The following NPAS3 variants were observed in gnomAD, a reference collection of about 807,000 sequenced individuals.
NPAS3 encodes the protein neuronal PAS domain protein 3, also known as neuronal PAS domain-containing protein 3.
In NPAS3, 14 loss-of-function variants were observed where a neutral mutation model predicts 73.1. The ratio of observed to expected loss-of-function variants is 0.19; its 90% CI spans 0.13 to 0.30. The LOEUF is 0.30. NPAS3 is among the 10% of genes least tolerant of loss of function. The pLI, the probability that NPAS3 is intolerant of heterozygous loss-of-function variation, is 1.00. For missense variants in NPAS3, 1,096 were observed against 1,250.0 expected (o/e 0.88, Z 1.86); for synonymous variants, 620 against 541.5 (o/e 1.14, Z -2.01).
At chr14:33,072,773 C>T (rs1442893118) in intron 2 of NPAS3, among the ~76,000 whole-genome samples, 1 of 152,148 alleles carries the variant, frequency 6.6e-6, no homozygotes, top group Non-Finnish European at 1.5e-5. Context: ...AGAGCTGGCA[C>T]TTTTAGGCCT....
At chr14:33,416,637 G>T (rs2138973794) in intron 4 of NPAS3, among the ~76,000 whole-genome samples, 1 of 151,958 alleles carries the variant, frequency 6.6e-6, no homozygotes, top group East Asian at 1.9e-4. Flanking sequence ...AAAAATTCAA[G>T]GGAAAATATT....
intron 4 of NPAS3, among the ~76,000 whole-genome samples, chr14:33,555,083 A>G (rs1405951619): frequency 1.3e-5 from 2 of 151,682 alleles, no homozygotes; most frequent in Admixed American, 6.6e-5. Flanking sequence ...TGTACCTCAT[A>G]GACTTACTGG....
At chr14:33,262,177 G>A (rs1469123080) in intron 3 of NPAS3, among the ~76,000 whole-genome samples, 1 of 152,106 alleles carries the variant, frequency 6.6e-6, no homozygotes, top group East Asian at 1.9e-4. Context: ...TGATGGTGTT[G>A]GTATTTCTGC....
At chr14:32,944,059 A>G (rs1404498665) in intron 1 of NPAS3, among the ~76,000 whole-genome samples, 2 of 152,224 alleles carry the variant, frequency 1.3e-5, no homozygotes, top group African/African-American at 4.8e-5. Context: ...TTCCTCTACT[A>G]ACTTCCTTAA....
rs182663008 is a variant in NPAS3 at position 33,296,257 on chromosome 14, T to G, written c.386-70929T>G. Among the ~76,000 whole-genome samples the G allele has an allele frequency of 3.3e-5, 5 of 152,350 alleles. No individual in the cohort carries two copies. The East Asian group carries it at 9.7e-4, about 29-fold the overall frequency. ...ACTTTTTTTTCCATTGAAGATGTTG[T>G]TGTTACTTCATTGTCTCTTTTAATA... On this transcript the variant is annotated intron_variant, in intron 3 of 11. Transcript: ENST00000356141.
Position 33,796,811 on chromosome 14 carries a change from C to G in NPAS3, c.1302-646C>G, listed in dbSNP as rs150576290. ...GGTTAGATCCCTTCTGTTAGGGCCT[C>G]TTTCACACTGGGACTCTCCCCACTG... On this transcript the variant is annotated intron_variant, in intron 10 of 11. Coordinates refer to ENST00000356141, the Ensembl canonical transcript of NPAS3. Among the ~76,000 whole-genome samples the G allele has an allele frequency of 1.5e-3, 235 of 152,308 alleles. 1 individual carries two copies. Among genetic ancestry groups the G allele is most frequent in the Non-Finnish European group, 2.9e-3 (194 of 68,030 alleles).
chr14:33,658,253 T>C (rs2059206591), intron 5 of NPAS3, among the ~76,000 whole-genome samples: 1 of 152,206 alleles, frequency 6.6e-6, no homozygotes, highest in Non-Finnish European at 1.5e-5. Flanking sequence ...GTACAGTGAC[T>C]TATCCAGCCT....
chr14:33,284,808 C>CTATT (rs1163482655), intron 3 of NPAS3, among the ~76,000 whole-genome samples: 1 of 101,546 alleles, frequency 9.8e-6, no homozygotes, highest in Non-Finnish European at 2.1e-5. Flanking sequence ...ATCTATCTAT[C>CTATT]TATCTATATA....
intron 1 of NPAS3, among the ~76,000 whole-genome samples, chr14:32,998,243 C>T (rs1421442683): frequency 3.3e-5 from 5 of 152,134 alleles, no homozygotes; most frequent in African/African-American, 4.8e-5. Context: ...GGATGAACCT[C>T]GAAACCACGC....
At chr14:33,532,391 G>T (rs1018546678) in intron 4 of NPAS3, among the ~76,000 whole-genome samples, 2 of 152,030 alleles carry the variant, frequency 1.3e-5, no homozygotes, top group South Asian at 2.1e-4. Flanking sequence ...CTGGGAAAAG[G>T]TACAACCTCT....
At chr14:33,004,585 T>C (rs1464175015) in intron 1 of NPAS3, among the ~76,000 whole-genome samples, 1 of 152,142 alleles carries the variant, frequency 6.6e-6, no homozygotes, top group Non-Finnish European at 1.5e-5. Flanking sequence ...TACTCCAGAC[T>C]TTATAAACAC....
At chr14:33,061,841 A>G (rs2041113889) in intron 2 of NPAS3, among the ~76,000 whole-genome samples, 1 of 152,178 alleles carries the variant, frequency 6.6e-6, no homozygotes, top group African/African-American at 2.4e-5. Flanking sequence ...CTCAGGAGAA[A>G]TAAGTGTCAA....
intron 2 of NPAS3, among the ~76,000 whole-genome samples, chr14:33,136,069 T>C (rs1217614955): frequency 7.2e-6 from 1 of 139,382 alleles, no homozygotes; most frequent in Non-Finnish European, 1.5e-5. Flanking sequence ...TTTTTTTTTT[T>C]TTTTTTTTTG....
At chr14:33,006,852 C>A (rs912536892) in intron 1 of NPAS3, among the ~76,000 whole-genome samples, 3 of 152,148 alleles carry the variant, frequency 2.0e-5, no homozygotes, top group African/African-American at 7.2e-5. Context: ...ACCTGGCAAG[C>A]CAAGTTTAAA....
chr14:33,693,718 T>C (rs1205364183), intron 6 of NPAS3, among the ~76,000 whole-genome samples: 1 of 152,222 alleles, frequency 6.6e-6, no homozygotes, highest in Non-Finnish European at 1.5e-5. Flanking sequence ...CTAAAATTGA[T>C]AGTTAAAAAA....
chr14:33,364,608 G>C (rs1221124830), intron 3 of NPAS3, among the ~76,000 whole-genome samples: 2 of 152,264 alleles, frequency 1.3e-5, no homozygotes, highest in East Asian at 3.9e-4. Flanking sequence ...TTATGCTAGG[G>C]TGTATGGGGG....
At chr14:33,491,906 A>G (rs759982828) in intron 4 of NPAS3, among the ~76,000 whole-genome samples, 3 of 152,150 alleles carry the variant, frequency 2.0e-5, no homozygotes, top group Non-Finnish European at 2.9e-5. Flanking sequence ...AATGTATGGT[A>G]TGTGCAGACA....
At chr14:33,186,243 ACT>A (rs1400728335) in intron 2 of NPAS3, among the ~76,000 whole-genome samples, 1 of 152,132 alleles carries the variant, frequency 6.6e-6, no homozygotes, top group East Asian at 1.9e-4. Context: ...GTATAAGTAC[ACT>A]CTGGTTGTGC....
intron 3 of NPAS3, among the ~76,000 whole-genome samples, chr14:33,229,610 G>C (rs2047770077): frequency 6.6e-6 from 1 of 152,164 alleles, no homozygotes; most frequent in Non-Finnish European, 1.5e-5. Context: ...GAACAATTTT[G>C]CTTCACATGT....
Sources: gnomAD v4.1 joint callset for allele counts (sites outside exome capture counted in the v4.1 genomes callset) on GRCh38, gnomAD v4.1.1 for gene constraint, MANE v1.5 for transcripts, NCBI Gene and HGNC (gene_info 2026-07-23, HGNC 2026-07-21) for gene names.